ERC2: variants seen among roughly 807,000 people sequenced by gnomAD.
The protein encoded by ERC2 is ERC protein 2.
ERC2 carries 42 observed loss-of-function variants against 114.8 expected under a neutral mutation model. The ratio of observed to expected loss-of-function variants is 0.37; its 90% CI spans 0.29 to 0.47. The LOEUF (loss-of-function observed/expected upper bound fraction) is 0.47. Among genes scored for constraint, ERC2 ranks in the 20% least tolerant of loss-of-function variants. ERC2 has a pLI of 0.99. For missense variants in ERC2, 939 were observed against 1,150.7 expected (o/e 0.82, Z 2.66); for synonymous variants, 454 against 425.5 (o/e 1.07, Z -0.82).
chr3:55,863,129 A>G lies in ERC2; in HGVS notation c.2564+25260T>C, dbSNP rs185556095. On this transcript the variant is annotated intron_variant, in intron 14 of 17. Transcript: ENST00000288221. ...GAGACCACAGAGCCCTGACCCTGACAGTTCAAACTGTCAGCGCCAGGAGAC... is the reference window on the plus strand; with the variant it reads ...GAGACCACAGAGCCCTGACCCTGACGGTTCAAACTGTCAGCGCCAGGAGAC... 5.4e-3 allele frequency among the ~76,000 whole-genome samples: 818 copies of G among 152,288 alleles called. 9 individuals carry two copies. Among genetic ancestry groups the G allele is most frequent in the African/African-American group, 0.019 (780 of 41,560 alleles).
intron 3 of ERC2, among the ~76,000 whole-genome samples, chr3:56,192,883 C>A (rs2047877360): frequency 6.6e-6 from 1 of 152,164 alleles, no homozygotes; most frequent in Non-Finnish European, 1.5e-5. Flanking sequence ...ATTCATTTGA[C>A]AATGGGTATC....
chr3:56,268,298 A>G (rs2053452742), intron 3 of ERC2, among the ~76,000 whole-genome samples: 1 of 152,218 alleles, frequency 6.6e-6, no homozygotes, highest in Non-Finnish European at 1.5e-5. Context: ...AGGAAGCTAT[A>G]CTATCCAGGT....
At chr3:56,086,492 C>CTT (rs113369686) in intron 6 of ERC2, among the ~76,000 whole-genome samples, 15 of 140,320 alleles carry the variant, frequency 1.1e-4, no homozygotes, top group Non-Finnish European at 3.1e-5. Context: ...TCAGGGTCTT[C>CTT]TTTTTTTTTT....
chr3:55,988,986 C>CT (rs2070846338), intron 11 of ERC2, among the ~76,000 whole-genome samples: 2 of 152,138 alleles, frequency 1.3e-5, no homozygotes, highest in African/African-American at 4.8e-5. Flanking sequence ...AGGCTGAGCC[C>CT]TTTTTTTCCC....
chr3:55,936,673 G>C (rs2066464731), intron 13 of ERC2, among the ~76,000 whole-genome samples: 1 of 152,180 alleles, frequency 6.6e-6, no homozygotes, highest in Non-Finnish European at 1.5e-5. Flanking sequence ...GGAGGGTTTG[G>C]AGACTGGAGT....
intron 11 of ERC2, among the ~76,000 whole-genome samples, chr3:55,987,605 G>A (rs1291714004): frequency 6.6e-6 from 1 of 152,040 alleles, no homozygotes; most frequent in Non-Finnish European, 1.5e-5. Flanking sequence ...ACTTCTAAAA[G>A]ATATTATCAT....
At chr3:56,452,767 T>A (rs1229604127) in intron 1 of ERC2, among the ~76,000 whole-genome samples, 1 of 152,214 alleles carries the variant, frequency 6.6e-6, no homozygotes, top group East Asian at 1.9e-4. Flanking sequence ...TGAGCCTCAG[T>A]AAGTATCTGA....
At chr3:55,727,870 T>A (rs1348666) in intron 15 of ERC2, among the ~76,000 whole-genome samples, 79,850 of 151,904 alleles carry the variant, frequency 0.53, 21,947 homozygotes, top group South Asian at 0.71. Flanking sequence ...CCCAATTAGT[T>A]CAACCATGGA....
chr3:55,899,214 C>T (rs1195711101), intron 13 of ERC2, among the ~76,000 whole-genome samples: 3 of 152,172 alleles, frequency 2.0e-5, no homozygotes, highest in Non-Finnish European at 4.4e-5. Flanking sequence ...GGGAAACAAA[C>T]ATTTCAATTC....
In ERC2 at chr3:56,085,693, T is replaced by C. The variant is rs73072547; in HGVS notation, c.1474-4709A>G. 8.9e-3 allele frequency among the ~76,000 whole-genome samples: 1,361 copies of C among 152,308 alleles called. 7 individuals are homozygous for C. Among genetic ancestry groups the C allele is most frequent in the Middle Eastern group, 0.017 (5 of 294 alleles). ...TTTCATTATATCTGGTGAAAAAATA[T>C]GATTTTTGAGTTTATGCACAAATAT... On this transcript the variant is annotated intron_variant, in intron 6 of 17. Coordinates refer to ENST00000288221, the MANE Select transcript of ERC2 (RefSeq NM_015576.3).
chr3:55,845,496 T>C (rs373852627), intron 14 of ERC2, among the ~76,000 whole-genome samples: 1 of 82,182 alleles, frequency 1.2e-5, no homozygotes. Flanking sequence ...AGAGCGAGAC[T>C]CCGTCTCAAA....
intron 16 of ERC2, among the ~76,000 whole-genome samples, chr3:55,687,503 G>A (rs766781776): frequency 6.6e-6 from 1 of 152,090 alleles, no homozygotes; most frequent in Non-Finnish European, 1.5e-5. Context: ...AGGAAAGCAA[G>A]TAGAACCAGC....
At chr3:55,650,463 G>A (rs750584207) in intron 17 of ERC2, among the ~76,000 whole-genome samples, 2 of 152,086 alleles carry the variant, frequency 1.3e-5, no homozygotes, top group South Asian at 2.1e-4. Flanking sequence ...AAACTATTTC[G>A]TCTGAGGCAA....
intron 14 of ERC2, among the ~76,000 whole-genome samples, chr3:55,775,624 T>G (rs1170791027): frequency 3.3e-5 from 5 of 151,184 alleles, no homozygotes; most frequent in Non-Finnish European, 7.4e-5. Context: ...TAAGGAGAGA[T>G]AGATAATAGA....
At chr3:55,800,869 C>T (rs2070993429) in intron 14 of ERC2, among the ~76,000 whole-genome samples, 1 of 152,106 alleles carries the variant, frequency 6.6e-6, no homozygotes, top group Non-Finnish European at 1.5e-5. Context: ...TTCCCTGGTT[C>T]CCTCCCAGTA....
intron 13 of ERC2, among the ~76,000 whole-genome samples, chr3:55,908,920 A>G (rs778613755): frequency 6.6e-6 from 1 of 152,232 alleles, no homozygotes; most frequent in Non-Finnish European, 1.5e-5. Flanking sequence ...CAATAAGTAT[A>G]GAGTCAATCC....
intron 2 of ERC2, among the ~76,000 whole-genome samples, chr3:56,369,253 C>A (rs1334265919): frequency 2.0e-5 from 3 of 152,164 alleles, no homozygotes; most frequent in Non-Finnish European, 4.4e-5. Context: ...CTTAGATTAT[C>A]CCAAACAGTA....
chr3:55,594,370 G>T (rs2058038030), intron 17 of ERC2, among the ~76,000 whole-genome samples: 1 of 152,082 alleles, frequency 6.6e-6, no homozygotes, highest in South Asian at 2.1e-4. Flanking sequence ...GAATGAACTG[G>T]GCTTTTGTGG....
intron 17 of ERC2, among the ~76,000 whole-genome samples, chr3:55,615,497 A>G (rs1262067022): frequency 6.6e-6 from 1 of 152,180 alleles, no homozygotes; most frequent in East Asian, 1.9e-4. Context: ...AGCAAATGGG[A>G]TCTTCCATTG....
Sources: allele counts gnomAD v4.1 joint callset (sites outside exome capture counted in the v4.1 genomes callset), GRCh38; gene constraint gnomAD v4.1.1; transcripts MANE v1.5; gene names NCBI Gene and HGNC (gene_info 2026-07-23, HGNC 2026-07-21).